ARHGEF12: variants seen among roughly 807,000 people sequenced by gnomAD.
ARHGEF12 encodes the protein Rho guanine nucleotide exchange factor 12, also known as KMT2A/ARHGEF12 fusion protein.
Under a neutral mutation model 211.2 loss-of-function variants are expected in ARHGEF12, and 66 were observed. That is an observed-to-expected ratio of 0.31 (90% confidence interval 0.26 to 0.38). The LOEUF (loss-of-function observed/expected upper bound fraction) is 0.38. Ranked by LOEUF, ARHGEF12 falls within the 10% of genes least tolerant of loss-of-function variation. The pLI is 1.00. For missense variants in ARHGEF12, 1,429 were observed against 1,869.5 expected (o/e 0.76, Z 4.34); for synonymous variants, 592 against 638.4 (o/e 0.93, Z 1.09).
At chr11:120,409,337 C>A (rs1296540581) in intron 3 of ARHGEF12, 57 bp from the exon 4 acceptor site, 3 of 1,563,876 alleles carry the variant, frequency 1.9e-6, no homozygotes, top group Non-Finnish European at 2.6e-6. Context: ...GAATTTTTCC[C>A]CTTACATTGT....
chr11:120,360,206 G>A (rs1299753060), intron 1 of ARHGEF12, among the ~76,000 whole-genome samples: 1 of 152,178 alleles, frequency 6.6e-6, no homozygotes, highest in Non-Finnish European at 1.5e-5. Context: ...ATGAGGGAAA[G>A]TGGTGAGAAA....
At chr11:120,477,335 T>C in intron 35 of ARHGEF12, 30 bp downstream of exon 35, 1 of 1,610,644 alleles carries the variant, frequency 6.2e-7, no homozygotes, top group Non-Finnish European at 8.5e-7. Context: ...GTAGTAGGAC[T>C]TATTTTATGT....
At chr11:120,452,786 A>C (rs1027138520) in intron 22 of ARHGEF12, among the ~76,000 whole-genome samples, 1 of 152,282 alleles carries the variant, frequency 6.6e-6, no homozygotes, top group Admixed American at 6.5e-5. Flanking sequence ...ACCTGAGATC[A>C]GGAGTTGGAG....
Position 120,380,646 on chromosome 11 carries a change from C to T in ARHGEF12, c.33-25472C>T, listed in dbSNP as rs1460012086. On this transcript the variant is annotated intron_variant, in intron 1 of 40. Transcript: ENST00000397843. Reference sequence around the variant, plus strand: ...CACGTGGCATCACTGGTGATGTTAACCATGACCACTTGGTTAAGATAGTGT... The same window carrying T: ...CACGTGGCATCACTGGTGATGTTAATCATGACCACTTGGTTAAGATAGTGT... Among the ~76,000 whole-genome samples the T allele has an allele frequency of 2.6e-5, 4 of 152,174 alleles. No individual in the cohort carries two copies. The East Asian group carries it at 5.8e-4, about 22-fold the overall frequency.
At chr11:120,398,948 T>C (rs1377432412) in intron 1 of ARHGEF12, among the ~76,000 whole-genome samples, 1 of 152,008 alleles carries the variant, frequency 6.6e-6, no homozygotes, top group African/African-American at 2.4e-5. Flanking sequence ...ACAGGAAATA[T>C]GTTCAATCTT....
chr11:120,436,867 C>T (rs1945710429), intron 11 of ARHGEF12, among the ~76,000 whole-genome samples: 1 of 152,076 alleles, frequency 6.6e-6, no homozygotes, highest in Non-Finnish European at 1.5e-5. Context: ...TTAAAATCCA[C>T]CTTTCACATG....
chr11:120,487,085 A>C lies in ARHGEF12; in HGVS notation c.*2008A>C. ...AGGGTTACACCTGTAGCCACTTGACACTAACACCATCGAGGGCAATTAATC... is the reference window on the plus strand; with the variant it reads ...AGGGTTACACCTGTAGCCACTTGACCCTAACACCATCGAGGGCAATTAATC... On this transcript the variant is annotated 3_prime_UTR_variant, in exon 41 of 41. Coordinates refer to ENST00000397843, the MANE Select transcript of ARHGEF12 (RefSeq NM_015313.3). 4.6e-6 allele frequency: 1 copy of C among 218,026 alleles called. No homozygotes were observed. The highest frequency in any genetic ancestry group is 9.2e-6 in the Non-Finnish European group (1 of 108,294). The allele number at this position is 218,026 out of a possible 1,614,324, so 13.5% of individuals were successfully genotyped here.
At position 120,424,353 on chromosome 11, in the gene ARHGEF12, T is replaced by C. The variant is rs369841125; in HGVS notation, c.349-5T>C. 3.7e-6 allele frequency: 6 copies of C among 1,611,852 alleles called. No homozygotes were observed. The African/African-American group carries it at 6.7e-5, about 18-fold the overall frequency. Reference sequence around the variant, plus strand: ...CTGACATACACTACTTTCGTTTTCTTACAGGTGAATGGAACTCTGGTGACT... The same window carrying C: ...CTGACATACACTACTTTCGTTTTCTCACAGGTGAATGGAACTCTGGTGACT... On this transcript the variant is annotated splice_region_variant and splice_polypyrimidine_tract_variant and intron_variant, in intron 6 of 40. Transcript: ENST00000397843.
intron 1 of ARHGEF12, among the ~76,000 whole-genome samples, chr11:120,356,401 A>G (rs1943131272): frequency 6.6e-6 from 1 of 152,060 alleles, no homozygotes; most frequent in African/African-American, 2.4e-5. Context: ...TTTTTTAAGT[A>G]GAGATGGGGT....
intron 5 of ARHGEF12, among the ~76,000 whole-genome samples, chr11:120,421,454 T>C (rs918108282): frequency 1.5e-4 from 21 of 144,118 alleles, no homozygotes; most frequent in Admixed American, 1.0e-3. Context: ...TTTTTTTTTT[T>C]TGGAGATGGA....
At chr11:120,442,393 C>G (rs1461374409) in intron 15 of ARHGEF12, among the ~76,000 whole-genome samples, 191 bp downstream of exon 15, 1 of 149,876 alleles carries the variant, frequency 6.7e-6, no homozygotes, top group Admixed American at 6.7e-5. Flanking sequence ...TATGAATTCT[C>G]ACAGTAGGTT....
chr11:120,467,120 C>T, intron 28 of ARHGEF12, 74 bp from the exon 29 acceptor site: 1 of 938,644 alleles, frequency 1.1e-6, no homozygotes, highest in Non-Finnish European at 1.7e-6. Flanking sequence ...GCATTAAACC[C>T]TCACGGTGAA....
chr11:120,442,152 ACTCGTC>A lies in ARHGEF12; in HGVS notation c.1253_1258del (p.Thr418_Arg420delinsSer). On this transcript the variant is annotated inframe_deletion, in exon 15 of 41. Transcript: ENST00000397843. ...GTATAAACATACCAATTCCAAAGAA[ACTCGTC>A]GCATCTTCCTTGAGTTTCATCAGTT... 6.2e-7 allele frequency: 1 copy of A among 1,610,486 alleles called. No individual in the cohort carries two copies. Among genetic ancestry groups the A allele is most frequent in the Non-Finnish European group, 8.5e-7 (1 of 1,179,304 alleles).
chr11:120,410,012 G>A (rs1431106548), intron 4 of ARHGEF12: 1 of 152,098 alleles, frequency 6.6e-6, no homozygotes, highest in Non-Finnish European at 1.5e-5. Context: ...TATCTTCATA[G>A]CTTGAAGAAT....
intron 4 of ARHGEF12, among the ~76,000 whole-genome samples, chr11:120,414,880 C>T (rs944008733): frequency 5.9e-5 from 9 of 152,264 alleles, no homozygotes; most frequent in East Asian, 1.9e-4. Context: ...GTGTGATCCA[C>T]GGTGCCTGCC....
At position 120,457,118 on chromosome 11, in the gene ARHGEF12, G is replaced by T. The variant is rs1371529020; in HGVS notation, c.2057G>T (p.Gly686Val). Reference sequence around the variant, plus strand: ...TCAAATGTCTGACTTTTGTCTACAGGATCAAAGCAAGTTGGAGAAACATCA... The same window carrying T: ...TCAAATGTCTGACTTTTGTCTACAGTATCAAAGCAAGTTGGAGAAACATCA... ...SQEGGKENDT[G>V]SKQVGETSAP... is the part of the protein sequence containing the mutation. The change falls in exon 23 of 41, where the codon GGA becomes GTA. Residue 686 changes from glycine to valine, a missense_variant and splice_region_variant. By Grantham distance (109) the Gly-to-Val change is moderately radical (BLOSUM62 -3). Coordinates refer to ENST00000397843, the MANE Select transcript of ARHGEF12 (RefSeq NM_015313.3). The T allele has an allele frequency of 1.2e-6, 2 of 1,613,378 alleles. No homozygotes were observed. The highest frequency in any genetic ancestry group is 2.7e-5 in the African/African-American group (2 of 74,834).
intron 18 of ARHGEF12, 143 bp downstream of exon 18, chr11:120,447,228 T>A (rs79430904): frequency 1.2e-6 from 1 of 842,052 alleles, no homozygotes; most frequent in Non-Finnish European, 1.6e-6. Flanking sequence ...AGAAACTGGA[T>A]TTTTTTTTTC....
intron 1 of ARHGEF12, among the ~76,000 whole-genome samples, chr11:120,399,211 TTAGGAGGCTAAGG>T: frequency 6.7e-6 from 1 of 148,702 alleles, no homozygotes; most frequent in East Asian, 2.0e-4. Flanking sequence ...TCCTACCTAC[TTAGGAGGCTAAGG>T]TAGGAGGATT....
chr11:120,418,803 A>T (rs1291579692), intron 4 of ARHGEF12, among the ~76,000 whole-genome samples: 1 of 152,008 alleles, frequency 6.6e-6, no homozygotes, highest in Non-Finnish European at 1.5e-5. Flanking sequence ...ACATGTGCTT[A>T]TTGGCCATTG....
Sources: gnomAD v4.1 joint callset for allele counts (sites outside exome capture counted in the v4.1 genomes callset) on GRCh38, gnomAD v4.1.1 for gene constraint, MANE v1.5 for transcripts, NCBI Gene and HGNC (gene_info 2026-07-23, HGNC 2026-07-21) for gene names.